The following CLASP1 variants were observed in gnomAD, a reference collection of about 807,000 sequenced individuals.
CLASP1 encodes CLIP-associating protein 1.
In CLASP1, 38 loss-of-function variants were observed where a neutral mutation model predicts 192.3. That is an observed-to-expected ratio of 0.20 (90% CI 0.15 to 0.26). CLASP1 has a LOEUF of 0.26. Among genes scored for constraint, CLASP1 ranks in the 10% least tolerant of loss-of-function variants. The pLI, the probability that CLASP1 is intolerant of heterozygous loss-of-function variation, is 1.00. For missense variants in CLASP1, 1,433 were observed against 1,932.5 expected, an observed-to-expected ratio of 0.74 and a Z score of 4.85; for synonymous variants, 691 against 712.8, an observed-to-expected ratio of 0.97 and a Z score of 0.49.
At chr2:121,631,158 CAAAAA>C (rs869087192) in intron 1 of CLASP1, among the ~76,000 whole-genome samples, 1 of 65,148 alleles carries the variant, frequency 1.5e-5, no homozygotes, top group African/African-American at 5.6e-5. Flanking sequence ...GACTCCAGCT[CAAAAA>C]AAAAAAAAAA....
exon 40 of CLASP1, chr2:121,339,014 T>C (rs1443568652): frequency 6.6e-6 from 1 of 152,596 alleles, no homozygotes; most frequent in African/African-American, 2.4e-5. Flanking sequence ...CCTGCTATAT[T>C]TTGAGCCAAA....
chr2:121,381,120 T>C (rs1387694013), intron 33 of CLASP1, among the ~76,000 whole-genome samples: 1 of 152,200 alleles, frequency 6.6e-6, no homozygotes, highest in African/African-American at 2.4e-5. Flanking sequence ...GAAACATTCA[T>C]CGCAGGGTTC....
chr2:121,530,104 G>C, intron 3 of CLASP1, 143 bp downstream of exon 3: 1 of 678,668 alleles, frequency 1.5e-6, no homozygotes, highest in Non-Finnish European at 2.5e-6. Context: ...GCGGGGACTG[G>C]CTGTTTGGGA....
In CLASP1 at chr2:121,347,034, A is replaced by G; in HGVS notation, c.4530+4T>C. ...CGTATCAGCCCAGGTAACACTATACATACCTTGCTCCCTGTGAGCTGTGCA... is the reference window on the plus strand; with the variant it reads ...CGTATCAGCCCAGGTAACACTATACGTACCTTGCTCCCTGTGAGCTGTGCA... On this transcript the variant is annotated splice_donor_region_variant and intron_variant, in intron 39 of 39. Coordinates refer to ENST00000263710, the Ensembl canonical transcript of CLASP1. 1 of 1,543,512 alleles carries G rather than the reference A, an allele frequency of 6.5e-7. No homozygotes were observed. The highest frequency in any genetic ancestry group is 8.8e-7 in the Non-Finnish European group (1 of 1,136,692).
chr2:121,648,586 C>G (rs1202028239), intron 1 of CLASP1, among the ~76,000 whole-genome samples: 1 of 152,142 alleles, frequency 6.6e-6, no homozygotes, highest in South Asian at 2.1e-4. Context: ...CATACTCATC[C>G]CAGCAGCTCG....
At chr2:121,591,529 C>T (rs901768523) in intron 2 of CLASP1, among the ~76,000 whole-genome samples, 1 of 152,162 alleles carries the variant, frequency 6.6e-6, no homozygotes, top group Non-Finnish European at 1.5e-5. Context: ...GATTGCCCTG[C>T]GAATCAGTAC....
At chr2:121,635,222 GA>G (rs1274067350) in intron 1 of CLASP1, among the ~76,000 whole-genome samples, 3 of 145,172 alleles carry the variant, frequency 2.1e-5, no homozygotes, top group Admixed American at 1.4e-4. Context: ...AAAAAAAAAA[GA>G]AAAGAAAAGA....
intron 1 of CLASP1, among the ~76,000 whole-genome samples, chr2:121,629,344 C>T (rs1257764811): frequency 1.3e-5 from 2 of 151,282 alleles, no homozygotes; most frequent in African/African-American, 4.9e-5. Context: ...GATCTGAGAT[C>T]GCACCACTGC....
chr2:121,446,410 T>G (rs1247365796), intron 19 of CLASP1, among the ~76,000 whole-genome samples: 1 of 152,228 alleles, frequency 6.6e-6, no homozygotes, highest in African/African-American at 2.4e-5. Flanking sequence ...TGGGTGCTAT[T>G]TGTTCACTGT....
chr2:121,387,213 T>A, exon 32 of CLASP1: 1 of 1,602,808 alleles, frequency 6.2e-7, no homozygotes, highest in African/African-American at 1.3e-5. Context: ...CGGCCAATCG[T>A]ATTGCTTGGA....
intron 8 of CLASP1, among the ~76,000 whole-genome samples, chr2:121,496,786 G>T (rs534542174): frequency 6.6e-6 from 1 of 152,272 alleles, no homozygotes; most frequent in African/African-American, 2.4e-5. Context: ...TGGGGTAGAG[G>T]GTGCCTGCCC....
chr2:121,465,928 C>T (rs1055198361), intron 9 of CLASP1, among the ~76,000 whole-genome samples: 3 of 152,158 alleles, frequency 2.0e-5, no homozygotes, highest in African/African-American at 7.2e-5. Flanking sequence ...GGAAAGGATT[C>T]CCTATTTAAT....
chr2:121,428,314 G>C (rs776881921), intron 20 of CLASP1, among the ~76,000 whole-genome samples: 1 of 152,200 alleles, frequency 6.6e-6, no homozygotes, highest in Non-Finnish European at 1.5e-5. Context: ...TTGATAAACA[G>C]CATTAGAAAG....
intron 2 of CLASP1, among the ~76,000 whole-genome samples, chr2:121,554,193 C>T (rs72971230): frequency 3.3e-5 from 5 of 151,546 alleles, no homozygotes; most frequent in Admixed American, 1.3e-4. Flanking sequence ...CTGGCCTGAG[C>T]GACAAAGCAA....
chr2:121,447,401 T>C, exon 19 of CLASP1: 1 of 1,578,546 alleles, frequency 6.3e-7, no homozygotes, highest in Non-Finnish European at 8.6e-7. Flanking sequence ...TGCCCGAAGA[T>C]GAGGAGACTT....
chr2:121,452,743 A>G (rs1204163038), intron 14 of CLASP1, among the ~76,000 whole-genome samples: 1 of 152,210 alleles, frequency 6.6e-6, no homozygotes, highest in African/African-American at 2.4e-5. Flanking sequence ...GTGAGCCGAG[A>G]TCGTGCCACT....
At chr2:121,578,246 T>C (rs988548769) in intron 2 of CLASP1, among the ~76,000 whole-genome samples, 3 of 151,406 alleles carry the variant, frequency 2.0e-5, no homozygotes, top group African/African-American at 4.9e-5. Flanking sequence ...CTAGAAAAGA[T>C]GAAAAACAAA....
intron 8 of CLASP1, among the ~76,000 whole-genome samples, chr2:121,484,998 G>C (rs1057042004): frequency 1.3e-5 from 2 of 152,202 alleles, no homozygotes; most frequent in Admixed American, 6.5e-5. Context: ...AGACAAATCT[G>C]TGATAAAGGC....
At chr2:121,592,642 A>C (rs2062544636) in intron 2 of CLASP1, among the ~76,000 whole-genome samples, 1 of 151,862 alleles carries the variant, frequency 6.6e-6, no homozygotes, top group Non-Finnish European at 1.5e-5. Flanking sequence ...AATAATTAAT[A>C]ACTGTTTTTT....
Sources: gnomAD v4.1 joint callset for allele counts (sites outside exome capture counted in the v4.1 genomes callset) on GRCh38, gnomAD v4.1.1 for gene constraint, MANE v1.5 for transcripts, NCBI Gene and HGNC (gene_info 2026-07-23, HGNC 2026-07-21) for gene names.